SOX5: variants seen among roughly 807,000 people sequenced by gnomAD.
SOX5 encodes the protein SRY-box transcription factor 5.
Under a neutral mutation model 92.0 loss-of-function variants are expected in SOX5, and 9 were observed. The ratio of observed to expected loss-of-function variants is 0.10; its 90% CI spans 0.06 to 0.17. The LOEUF is 0.17. SOX5 is among the 10% of genes least tolerant of loss of function. The pLI is 1.00. For synonymous variants in SOX5, 344 were observed against 336.3 expected (o/e 1.02, Z -0.25); for missense variants, 642 against 944.5 (o/e 0.68, Z 4.20).
At chr12:24,495,571 C>T (rs1168988314) in intron 1 of SOX5, among the ~76,000 whole-genome samples, 1 of 152,218 alleles carries the variant, frequency 6.6e-6, no homozygotes, top group South Asian at 2.1e-4. Flanking sequence ...TTTGAGTGAA[C>T]ACTTGAGAAC....
intron 4 of SOX5, among the ~76,000 whole-genome samples, chr12:24,101,494 G>C (rs1030593699): frequency 4.6e-5 from 7 of 152,026 alleles, no homozygotes; most frequent in African/African-American, 1.7e-4. Context: ...ACTTGCCCCA[G>C]TAGAACAGTC....
upstream of SOX5, among the ~76,000 whole-genome samples, chr12:23,953,152 A>T (rs1346426329): frequency 6.6e-6 from 1 of 152,132 alleles, no homozygotes; most frequent in Admixed American, 6.6e-5. Flanking sequence ...GAAAATTAGC[A>T]TTTCTGTCAG....
chr12:23,794,174 G>A (rs2095523730), intron 3 of SOX5, among the ~76,000 whole-genome samples: 1 of 151,894 alleles, frequency 6.6e-6, no homozygotes, highest in South Asian at 2.1e-4. Context: ...GAGTTTTATT[G>A]ATTTTCTCTT....
chr12:23,803,458 T>C (rs1164234695), intron 3 of SOX5, among the ~76,000 whole-genome samples: 4 of 152,214 alleles, frequency 2.6e-5, no homozygotes, highest in Non-Finnish European at 4.4e-5. Flanking sequence ...TCTGAAATTC[T>C]TGCTCTCTTC....
intron 1 of SOX5, among the ~76,000 whole-genome samples, chr12:24,435,000 C>A (rs989604867): frequency 6.6e-6 from 1 of 152,200 alleles, no homozygotes; most frequent in Non-Finnish European, 1.5e-5. Flanking sequence ...TAAAAGAATG[C>A]CCTTTCCTTT....
chr12:24,068,906 A>C (rs1941334194), intron 4 of SOX5, among the ~76,000 whole-genome samples: 1 of 151,320 alleles, frequency 6.6e-6, no homozygotes, highest in African/African-American at 2.4e-5. Flanking sequence ...CCTGTCACCC[A>C]GAGTTGGAGC....
intron 11 of SOX5, among the ~76,000 whole-genome samples, chr12:23,555,186 A>C (rs1285533742): frequency 6.6e-6 from 1 of 152,180 alleles, no homozygotes; most frequent in African/African-American, 2.4e-5. Context: ...CATTATGGAA[A>C]TAATATACTT....
intron 2 of SOX5, among the ~76,000 whole-genome samples, chr12:24,363,251 A>G (rs569623976): frequency 9.9e-5 from 15 of 152,080 alleles, no homozygotes; most frequent in Non-Finnish European, 5.9e-5. Flanking sequence ...GCAAAAAAAA[A>G]TTAGTAATAA....
At chr12:23,685,320 A>G (rs1173287933) in intron 6 of SOX5, among the ~76,000 whole-genome samples, 1 of 152,108 alleles carries the variant, frequency 6.6e-6, no homozygotes, top group East Asian at 1.9e-4. Flanking sequence ...AGAAATCCTA[A>G]GTATAGTAAA....
chr12:23,597,089 T>A (rs1952601641), intron 9 of SOX5, among the ~76,000 whole-genome samples: 1 of 152,192 alleles, frequency 6.6e-6, no homozygotes, highest in Non-Finnish European at 1.5e-5. Context: ...TCTTCCTGAG[T>A]CTGCACATGC....
intron 6 of SOX5, among the ~76,000 whole-genome samples, chr12:23,676,163 C>T (rs186640801): frequency 4.6e-5 from 7 of 151,690 alleles, no homozygotes; most frequent in East Asian, 1.9e-4. Context: ...AGCATGAGAG[C>T]GATAATTAAT....
At chr12:23,628,305 C>T (rs954934153) in intron 8 of SOX5, among the ~76,000 whole-genome samples, 5 of 151,958 alleles carry the variant, frequency 3.3e-5, no homozygotes, top group African/African-American at 4.8e-5. Flanking sequence ...TAGTAGGAGT[C>T]ATATGCTACA....
intron 2 of SOX5, among the ~76,000 whole-genome samples, chr12:24,285,996 A>T (rs1048850074): frequency 1.3e-5 from 2 of 152,262 alleles, no homozygotes; most frequent in Non-Finnish European, 2.9e-5. Flanking sequence ...AGGAAATTTT[A>T]AAATATGAAA....
At chr12:23,657,874 GT>G (rs1447362813) in intron 7 of SOX5, among the ~76,000 whole-genome samples, 4 of 152,156 alleles carry the variant, frequency 2.6e-5, no homozygotes. Context: ...TGAGCTTTAG[GT>G]TTAAAATGAA....
intron 11 of SOX5, among the ~76,000 whole-genome samples, chr12:23,553,081 A>G (rs1054292590): frequency 3.3e-5 from 5 of 151,948 alleles, no homozygotes; most frequent in African/African-American, 1.2e-4. Context: ...TACTTTCTCT[A>G]TTCATAAAAG....
At chr12:23,783,700 CTTTTT>C (rs2095325715) in intron 3 of SOX5, among the ~76,000 whole-genome samples, 1 of 152,092 alleles carries the variant, frequency 6.6e-6, no homozygotes, top group Non-Finnish European at 1.5e-5. Flanking sequence ...TTTTTCTTTT[CTTTTT>C]GTCTTTACTT....
chr12:24,163,074 C>G (rs936582525), intron 4 of SOX5, among the ~76,000 whole-genome samples: 1 of 152,066 alleles, frequency 6.6e-6, no homozygotes, highest in African/African-American at 2.4e-5. Context: ...TTCAGCTGGT[C>G]TAAAGGCACT....
intron 4 of SOX5, among the ~76,000 whole-genome samples, chr12:24,086,941 G>A (rs1029332700): frequency 6.6e-5 from 10 of 151,914 alleles, no homozygotes; most frequent in Non-Finnish European, 7.4e-5. Context: ...ACAATAGTTC[G>A]GAATGTACCA....
intron 4 of SOX5, among the ~76,000 whole-genome samples, chr12:24,107,930 A>C (rs1260580642): frequency 6.6e-6 from 1 of 152,236 alleles, no homozygotes; most frequent in Non-Finnish European, 1.5e-5. Flanking sequence ...GGTTAAGTAA[A>C]TTCATACAGT....
Sources: allele counts gnomAD v4.1 joint callset (sites outside exome capture counted in the v4.1 genomes callset), GRCh38; gene constraint gnomAD v4.1.1; transcripts MANE v1.5; gene names NCBI Gene and HGNC (gene_info 2026-07-23, HGNC 2026-07-21).